The following SENP1 variants were observed in gnomAD, a reference collection of about 807,000 sequenced individuals.
SENP1 encodes sentrin-specific protease 1.
In SENP1, 21 loss-of-function variants were observed where a neutral mutation model predicts 93.0. The observed-to-expected ratio is 0.23, with a 90% confidence interval of 0.16 to 0.33. The LOEUF (loss-of-function observed/expected upper bound fraction) is 0.33, where lower values mean the gene tolerates loss of function less well. SENP1 is among the 10% of genes least tolerant of loss of function. SENP1 has a pLI of 1.00. For missense variants in SENP1, 591 were observed against 758.7 expected, an observed-to-expected ratio of 0.78 and a Z score of 2.60; for synonymous variants, 256 against 259.6, an observed-to-expected ratio of 0.99 and a Z score of 0.13.
In SENP1 at chr12:48,066,963, G is replaced by C. The variant is rs1421691762; in HGVS notation, c.998C>G (p.Ser333Cys). 2 of 1,559,404 alleles carry C rather than the reference G, an allele frequency of 1.3e-6. No homozygotes were observed. Among genetic ancestry groups the C allele is most frequent in the Non-Finnish European group, 1.7e-6 (2 of 1,149,978 alleles). ...CCACAGCTCTGCCTGGAAGAAAGTA[G>C]AACTATGGGTAGGAAAAGAAAAATT... ...VKDSQTPTPSSTFFQAELWIK... is the reference protein window; with the variant it reads ...VKDSQTPTPSCTFFQAELWIK... The change falls in exon 10 of 18, where the codon TCT becomes TGT. Residue 333 changes from serine to cysteine, a missense_variant and splice_region_variant. By Grantham distance (112) the Ser-to-Cys change is moderately radical (BLOSUM62 -1). Around this residue, in one of 4 missense-constraint regions of SENP1, gnomAD observed 238 missense variants for 259.1 expected, o/e 0.92. Coordinates refer to ENST00000549518, the MANE Select transcript of SENP1 (RefSeq NM_001267594.2).
At chr12:48,068,063 G>A (rs929361982) in intron 9 of SENP1, among the ~76,000 whole-genome samples, 5 of 151,914 alleles carry the variant, frequency 3.3e-5, no homozygotes, top group African/African-American at 4.8e-5. Flanking sequence ...TAGTAGAGAC[G>A]AGGTTTCACC....
chr12:48,104,277 A>AGGGGGGG (rs1946261608), intron 1 of SENP1, among the ~76,000 whole-genome samples: 1 of 30,680 alleles, frequency 3.3e-5, no homozygotes, highest in Non-Finnish European at 7.7e-5. Context: ...GGGGGGGCGG[A>AGGGGGGG]GGGAGGGAGA....
chr12:48,100,082 G>A (rs1406463467), intron 2 of SENP1, among the ~76,000 whole-genome samples: 1 of 152,150 alleles, frequency 6.6e-6, no homozygotes, highest in Non-Finnish European at 1.5e-5. Flanking sequence ...ACAGAATAGA[G>A]AGAAAGCTAA....
At position 48,096,252 on chromosome 12, in the gene SENP1, T is replaced by C. The variant is rs559930662; in HGVS notation, c.220+91A>G. ...AAATACCATCTTGTTTTTGACAATG[T>C]TTTTACTTTTGGAGATGATAAACAT... On this transcript the variant is annotated intron_variant, in intron 4 of 17. Coordinates refer to ENST00000549518, the MANE Select transcript of SENP1 (RefSeq NM_001267594.2). The C allele has an allele frequency of 7.0e-4, 470 of 670,100 alleles. 1 individual carries two copies. The highest frequency in any genetic ancestry group is 1.2e-3 in the Admixed American group (38 of 31,640). 41.5% of individuals were successfully genotyped at this position (670,100 alleles called of 1,614,324 possible).
intron 13 of SENP1, among the ~76,000 whole-genome samples, chr12:48,056,372 C>T (rs1313365006): frequency 8.8e-6 from 1 of 113,174 alleles, no homozygotes; most frequent in African/African-American, 3.7e-5. Flanking sequence ...TAATATATTA[C>T]ATATATATTT....
At chr12:48,083,907 T>C in intron 5 of SENP1, 145 bp from the exon 6 acceptor site, 1 of 582,710 alleles carries the variant, frequency 1.7e-6, no homozygotes, top group South Asian at 2.4e-5. Flanking sequence ...AAAGATACAA[T>C]AAATGAATAA....
At chr12:48,086,791 A>G (rs976548796) in intron 5 of SENP1, among the ~76,000 whole-genome samples, 2 of 152,208 alleles carry the variant, frequency 1.3e-5, no homozygotes, top group Non-Finnish European at 2.9e-5. Context: ...TAATCCCAGG[A>G]AGGGATCGGG....
chr12:48,055,225 C>T (rs924800390), intron 13 of SENP1: 18 of 177,630 alleles, frequency 1.0e-4, no homozygotes, highest in Non-Finnish European at 1.9e-4. Context: ...TATCATATCA[C>T]GACACTTTCC....
At chr12:48,084,516 T>A (rs1009541873) in intron 5 of SENP1, among the ~76,000 whole-genome samples, 10 of 145,068 alleles carry the variant, frequency 6.9e-5, no homozygotes, top group African/African-American at 2.5e-4. Flanking sequence ...TGGCACGACC[T>A]TGGCTCACAG....
chr12:48,091,612 G>A (rs1277715061), intron 4 of SENP1, among the ~76,000 whole-genome samples: 3 of 152,092 alleles, frequency 2.0e-5, no homozygotes, highest in African/African-American at 7.2e-5. Flanking sequence ...CCAAAGAGAA[G>A]ACATTGATAA....
intron 14 of SENP1, among the ~76,000 whole-genome samples, chr12:48,048,662 TC>T (rs35902369): frequency 0.011 from 1,607 of 152,238 alleles, 30 homozygotes; most frequent in African/African-American, 0.036. Flanking sequence ...TCACTTTTTT[TC>T]CCCCATGCCT....
intron 6 of SENP1, among the ~76,000 whole-genome samples, chr12:48,078,570 G>C (rs1165194631): frequency 2.0e-5 from 3 of 151,024 alleles, no homozygotes; most frequent in Non-Finnish European, 4.4e-5. Flanking sequence ...GCCCAGACTG[G>C]AGTGCAGTGG....
rs367844125 is a variant in SENP1 at position 48,045,292 on chromosome 12, A to G, written c.*30T>C. 8.8e-6 allele frequency: 14 copies of G among 1,597,844 alleles called. No homozygotes were observed. Among genetic ancestry groups the G allele is most frequent in the Middle Eastern group, 1.7e-4 (1 of 6,054 alleles). The stretch of plus-strand genomic sequence containing the variant: ...AGACAACAAAGAGCTGGTCCCCCAC[A>G]TGGTCAAGGTCTGCTAAGTGAGACA... On this transcript the variant is annotated 3_prime_UTR_variant, in exon 18 of 18. Transcript: ENST00000549518.
intron 6 of SENP1, chr12:48,081,561 T>G (rs547318199): frequency 2.1e-4 from 30 of 143,426 alleles, no homozygotes; most frequent in African/African-American, 7.3e-4. Context: ...TGAATGTTGG[T>G]GTTTTTTCGT....
chr12:48,065,640 G>T lies in SENP1; in HGVS notation c.1075C>A (p.Gln359Lys), dbSNP rs767359564. The change falls in exon 11 of 18, where the codon CAG (glutamine) becomes AAG (lysine). Residue 359 changes from glutamine (Q) to lysine (K), a missense_variant. By Grantham distance (53) the Gln-to-Lys change is moderately conservative. Coordinates refer to ENST00000549518, the MANE Select transcript of SENP1 (RefSeq NM_001267594.2). The stretch of plus-strand genomic sequence containing the variant: ...GCCAATGCCTTCTGTTCTTCAATCT[G>T]GCGCAATCTTTCTCGTGCTCGAGAA... The part of the protein sequence containing the change: ...YDSRARERLR[Q>K]IEEQKALALQ... 78 of 1,562,548 alleles carry T rather than the reference G, an allele frequency of 5.0e-5. No individual in the cohort carries two copies. In the South Asian group the frequency reaches 7.3e-4, roughly 15 times the overall value.
intron 6 of SENP1, among the ~76,000 whole-genome samples, chr12:48,075,210 G>A (rs1431296583): frequency 1.4e-5 from 2 of 141,972 alleles, no homozygotes; most frequent in African/African-American, 5.3e-5. Flanking sequence ...GCAAGACTCT[G>A]TCTCAAAAAA....
intron 9 of SENP1, among the ~76,000 whole-genome samples, chr12:48,068,435 A>C (rs1001441859): frequency 1.3e-5 from 2 of 152,326 alleles, no homozygotes; most frequent in East Asian, 1.9e-4. Context: ...ATACTATTTA[A>C]ACCTCAACAT....
intron 6 of SENP1, among the ~76,000 whole-genome samples, chr12:48,077,338 G>A (rs1361738343): frequency 2.0e-5 from 3 of 152,190 alleles, no homozygotes; most frequent in Admixed American, 2.0e-4. Flanking sequence ...AAAAAAATCA[G>A]TGCCAAGACC....
intron 5 of SENP1, 66 bp from the exon 6 acceptor site, chr12:48,083,828 T>C: frequency 1.7e-6 from 2 of 1,172,238 alleles, no homozygotes; most frequent in Non-Finnish European, 1.2e-6. Context: ...ACCTAGAGAT[T>C]ATTTTCACTT....
Sources: allele counts gnomAD v4.1 joint callset (sites outside exome capture counted in the v4.1 genomes callset), GRCh38; gene constraint gnomAD v4.1.1; regional missense constraint gnomAD v4.1.1; transcripts MANE v1.5; gene names NCBI Gene and HGNC (gene_info 2026-07-23, HGNC 2026-07-21).